GTPBP10: variants seen among roughly 807,000 people sequenced by gnomAD.
GTPBP10 encodes GTP binding protein 10.
Under a neutral mutation model 44.8 loss-of-function variants are expected in GTPBP10, and 38 were observed. The ratio of observed to expected loss-of-function variants is 0.85; its 90% CI spans 0.65 to 1.11. The LOEUF is 1.11. Among genes scored for constraint, GTPBP10 ranks in the 50% most tolerant of loss-of-function variants. The pLI is 0.00. For missense variants in GTPBP10, 462 were observed against 453.7 expected, an observed-to-expected ratio of 1.02 and a Z score of -0.17; for synonymous variants, 152 against 150.6, an observed-to-expected ratio of 1.01 and a Z score of -0.07.
At chr7:90,378,548 T>G (rs1796383552) in intron 8 of GTPBP10, among the ~76,000 whole-genome samples, 1 of 152,212 alleles carries the variant, frequency 6.6e-6, no homozygotes, top group Admixed American at 6.5e-5. Flanking sequence ...CTTACACTAT[T>G]TCTCCGTCTA....
intron 4 of GTPBP10, among the ~76,000 whole-genome samples, chr7:90,356,182 T>A (rs1795897159): frequency 6.6e-6 from 1 of 152,120 alleles, no homozygotes; most frequent in Admixed American, 6.5e-5. Flanking sequence ...GTATCCCTCG[T>A]CTTTTGCCCT....
chr7:90,389,182 TCTTGTTC>T lies in GTPBP10; in HGVS notation c.*4029_*4035del. The T allele has an allele frequency of 6.6e-6, 1 of 152,220 alleles. No individual in the cohort carries two copies. Among genetic ancestry groups the T allele is most frequent in the South Asian group, 2.1e-4 (1 of 4,830 alleles). The allele number at this position is 152,220 out of a possible 1,614,324, so 9.4% of individuals were successfully genotyped here. A position where few individuals can be genotyped will look rare whatever the true frequency, so the allele number is the denominator to read the frequency against. On this transcript the variant is annotated 3_prime_UTR_variant, in exon 10 of 10. Transcript: ENST00000222511. ...ATAGAAAGTGAAACAAATCCAGAAA[TCTTGTTC>T]GAGTACATGGTCTGTGCTAGTAATC...
Position 90,389,965 on chromosome 7 carries a change from C to T in GTPBP10, c.*4811C>T, listed in dbSNP as rs532307911. On this transcript the variant is annotated 3_prime_UTR_variant, in exon 10 of 10. Transcript: ENST00000222511. ...ACCATACCTGGCTAATTTTTAAAAA[C>T]TATTTTGTAGAGACAGGGTCTTACT... 1 of 152,046 alleles carries T rather than the reference C, an allele frequency of 6.6e-6. No homozygotes were observed. Among genetic ancestry groups the T allele is most frequent in the African/African-American group, 2.4e-5 (1 of 41,382 alleles). 9.4% of individuals were successfully genotyped at this position (152,046 alleles called of 1,614,324 possible).
rs796949342 is a variant in GTPBP10, at chr7:90,391,167, C to T, written c.*6013C>T. 1 of 152,234 alleles carries T rather than the reference C, an allele frequency of 6.6e-6. No homozygotes were observed. The highest frequency in any genetic ancestry group is 2.4e-5 in the African/African-American group (1 of 41,538). The allele number at this position is 152,234 out of a possible 1,614,324, so 9.4% of individuals were successfully genotyped here. A position where few individuals can be genotyped will look rare whatever the true frequency, so the allele number is the denominator to read the frequency against. On this transcript the variant is annotated 3_prime_UTR_variant, in exon 10 of 10. Coordinates refer to ENST00000222511, the MANE Select transcript of GTPBP10 (RefSeq NM_033107.4). ...AAATGAGCACACATGACCTTCCTTT[C>T]CTATAAAAATATGAAGCAGAAAACT... is the stretch of plus-strand genomic sequence containing the variant.
At chr7:90,353,721 T>G (rs1390934323) in intron 2 of GTPBP10, among the ~76,000 whole-genome samples, 1 of 152,202 alleles carries the variant, frequency 6.6e-6, no homozygotes, top group African/African-American at 2.4e-5. Flanking sequence ...TATGAGCAGT[T>G]TAAGAGTAGC....
intron 3 of GTPBP10, 135 bp from the exon 4 acceptor site, chr7:90,354,951 C>T (rs1472026242): frequency 3.9e-6 from 2 of 509,474 alleles, no homozygotes; most frequent in Non-Finnish European, 6.9e-6. Flanking sequence ...TAAAATATTA[C>T]ATTAATGATT....
chr7:90,384,129 C>T (rs1426450817), intron 9 of GTPBP10, among the ~76,000 whole-genome samples: 3 of 152,134 alleles, frequency 2.0e-5, no homozygotes, highest in East Asian at 1.9e-4. Flanking sequence ...TCTGACCTAT[C>T]GTGAAATAAA....
rs1391680534 is a variant in GTPBP10 at position 90,362,367 on chromosome 7, T to C, written c.464+7137T>C. On this transcript the variant is annotated intron_variant, in intron 4 of 9. Transcript: ENST00000222511. ...TCATTGGTTTCAAAGAACATCTTTA[T>C]TTCTGCCTTCATTTCGTTATGTACC... is the stretch of plus-strand genomic sequence containing the variant. 2.0e-5 allele frequency among the ~76,000 whole-genome samples: 3 copies of C among 152,204 alleles called. No individual in the cohort carries two copies. In the East Asian group the frequency reaches 5.8e-4, roughly 29 times the overall value.
chr7:90,378,348 G>A, intron 8 of GTPBP10, 137 bp downstream of exon 8: 2 of 1,146,686 alleles, frequency 1.7e-6, no homozygotes, highest in South Asian at 2.2e-5. Flanking sequence ...ACTTAAACTT[G>A]TTGTCTCCAT....
In GTPBP10 at chr7:90,384,179, G is replaced by C. The variant is rs115767398; in HGVS notation, c.902-713G>C. ...GTGATAATCCTGAGTTATCCTCTCT[G>C]GACTTTCTTCGGGGCTTTTGAATCT... On this transcript the variant is annotated intron_variant, in intron 9 of 9. Coordinates refer to ENST00000222511, the MANE Select transcript of GTPBP10 (RefSeq NM_033107.4). 6.1e-3 allele frequency among the ~76,000 whole-genome samples: 932 copies of C among 152,212 alleles called. 12 individuals are homozygous for C. Among genetic ancestry groups the C allele is most frequent in the African/African-American group, 0.02 (837 of 41,530 alleles).
chr7:90,358,582 C>T (rs1795950505), intron 4 of GTPBP10, among the ~76,000 whole-genome samples: 1 of 152,042 alleles, frequency 6.6e-6, no homozygotes, highest in Non-Finnish European at 1.5e-5. Flanking sequence ...AATAATGAAA[C>T]TGCATTCATA....
rs1346847471 is a variant in GTPBP10, at chr7:90,389,555, T to G, written c.*4401T>G. The G allele has an allele frequency of 6.6e-6, 1 of 151,898 alleles. No homozygotes were observed. The highest frequency in any genetic ancestry group is 2.4e-5 in the African/African-American group (1 of 41,338). The allele number at this position is 151,898 out of a possible 1,614,324, so 9.4% of individuals were successfully genotyped here. On this transcript the variant is annotated 3_prime_UTR_variant, in exon 10 of 10. Coordinates refer to ENST00000222511, the MANE Select transcript of GTPBP10 (RefSeq NM_033107.4). Reference sequence around the variant, plus strand: ...GCATCCACCACCACGTCCAGCTAATTTTTGTATTTTTAGTAGAGACGGGGT... The same window carrying G: ...GCATCCACCACCACGTCCAGCTAATGTTTGTATTTTTAGTAGAGACGGGGT...
chr7:90,346,979 G>T (rs562770496), intron 1 of GTPBP10, among the ~76,000 whole-genome samples: 10 of 152,314 alleles, frequency 6.6e-5, no homozygotes, highest in Admixed American at 6.5e-4. Flanking sequence ...ACGGTTGTTT[G>T]GGGGCAGGGG....
chr7:90,360,133 C>G (rs1420662259), intron 4 of GTPBP10, among the ~76,000 whole-genome samples: 2 of 151,962 alleles, frequency 1.3e-5, no homozygotes, highest in African/African-American at 4.8e-5. Context: ...TGCAGAAGCT[C>G]TTTAGTTTAA....
At chr7:90,373,716 T>C (rs1796299396) in intron 5 of GTPBP10, among the ~76,000 whole-genome samples, 1 of 152,198 alleles carries the variant, frequency 6.6e-6, no homozygotes, top group Admixed American at 6.5e-5. Context: ...GATAGAAACT[T>C]AATATCTGAC....
At chr7:90,384,394 A>C (rs1164061931) in intron 9 of GTPBP10, among the ~76,000 whole-genome samples, 2 of 152,134 alleles carry the variant, frequency 1.3e-5, no homozygotes, top group Non-Finnish European at 2.9e-5. Flanking sequence ...ACTCATCTGA[A>C]ATTATCTTCC....
Position 90,369,135 on chromosome 7 carries a change from G to A in GTPBP10, c.465-3020G>A, listed in dbSNP as rs149992389. On this transcript the variant is annotated intron_variant, in intron 4 of 9. Transcript: ENST00000222511. ...AATCACCAGCGGAGGCTGCAGAACA[G>A]CAAATATTGCTGCCTGATTTTTGCT... 5.8e-3 allele frequency among the ~76,000 whole-genome samples: 884 copies of A among 152,306 alleles called. 7 individuals are homozygous for A. The highest frequency in any genetic ancestry group is 0.018 in the African/African-American group (751 of 41,578).
intron 4 of GTPBP10, among the ~76,000 whole-genome samples, chr7:90,366,033 T>C (rs1054229796): frequency 6.6e-6 from 1 of 152,246 alleles, no homozygotes; most frequent in African/African-American, 2.4e-5. Flanking sequence ...ATGTGGTTTT[T>C]GTCGTTGCTT....
chr7:90,386,484 T>C lies in GTPBP10; in HGVS notation c.*1330T>C, dbSNP rs1430305517. ...TGTCCTAGTCTATTTCACTTTCTTT[T>C]GTCATAATCTATTTAATTTCCCACT... is the stretch of plus-strand genomic sequence containing the variant. On this transcript the variant is annotated 3_prime_UTR_variant, in exon 10 of 10. Coordinates refer to ENST00000222511, the MANE Select transcript of GTPBP10 (RefSeq NM_033107.4). 2 of 152,212 alleles carry C rather than the reference T, an allele frequency of 1.3e-5. No homozygotes were observed. Among genetic ancestry groups the C allele is most frequent in the Non-Finnish European group, 2.9e-5 (2 of 68,020 alleles). 9.4% of individuals were successfully genotyped at this position (152,212 alleles called of 1,614,324 possible). A position where few individuals can be genotyped will look rare whatever the true frequency, so the allele number is the denominator to read the frequency against.
Sources: allele counts gnomAD v4.1 joint callset (sites outside exome capture counted in the v4.1 genomes callset), GRCh38; gene constraint gnomAD v4.1.1; transcripts MANE v1.5; gene names NCBI Gene and HGNC (gene_info 2026-07-23, HGNC 2026-07-21).